Variants in TBC1D4 observed in about 807,000 individuals in gnomAD.
The protein encoded by TBC1D4 is TBC1 domain family member 4.
A neutral mutation model predicts 142.5 loss-of-function variants in TBC1D4; 121 were observed. The ratio of observed to expected loss-of-function variants is 0.85; its 90% confidence interval spans 0.73 to 0.99. TBC1D4 has a LOEUF of 0.99. Among genes scored for constraint, TBC1D4 ranks in the 50% least tolerant of loss-of-function variants. The pLI is 0.00. For missense variants in TBC1D4, 1,475 were observed against 1,606.6 expected, an observed-to-expected ratio of 0.92 and a Z score of 1.40; for synonymous variants, 630 against 628.2, an observed-to-expected ratio of 1.00 and a Z score of -0.04.
chr13:75,324,111 G>C, intron 11 of TBC1D4, 126 bp downstream of exon 11: 1 of 1,119,500 alleles, frequency 8.9e-7, no homozygotes, highest in Non-Finnish European at 1.3e-6. Context: ...ATTAGAAACA[G>C]ATTAGAACAA....
At chr13:75,361,933 T>C in intron 2 of TBC1D4, 93 bp downstream of exon 2, 2 of 1,397,838 alleles carry the variant, frequency 1.4e-6, no homozygotes, top group Non-Finnish European at 2.0e-6. Flanking sequence ...GATTATTCGT[T>C]ATATAGAGGT....
intron 12 of TBC1D4, among the ~76,000 whole-genome samples, chr13:75,316,995 G>A (rs201859176): frequency 3.3e-5 from 5 of 152,096 alleles, no homozygotes; most frequent in African/African-American, 1.2e-4. Flanking sequence ...AACATTTTAC[G>A]AGTATGAATT....
chr13:75,379,193 T>C (rs1167913849), intron 1 of TBC1D4, among the ~76,000 whole-genome samples: 4 of 152,074 alleles, frequency 2.6e-5, no homozygotes, highest in Admixed American at 2.6e-4. Context: ...GCGAAATGAC[T>C]AGCTCAAAAT....
chr13:75,334,708 T>G (rs1472462650), intron 8 of TBC1D4, among the ~76,000 whole-genome samples: 2 of 151,964 alleles, frequency 1.3e-5, no homozygotes, highest in Non-Finnish European at 2.9e-5. Flanking sequence ...CTCAGCCTCC[T>G]GAGTAGCTGG....
At chr13:75,301,518 G>A (rs1224444149) in intron 16 of TBC1D4, among the ~76,000 whole-genome samples, 1 of 151,940 alleles carries the variant, frequency 6.6e-6, no homozygotes, top group Non-Finnish European at 1.5e-5. Context: ...GGTGGCTGGT[G>A]CCTGTAGTCC....
intron 1 of TBC1D4, among the ~76,000 whole-genome samples, chr13:75,434,621 C>T (rs1454998821): frequency 6.6e-6 from 1 of 151,922 alleles, no homozygotes; most frequent in Non-Finnish European, 1.5e-5. Flanking sequence ...AACAAACCTT[C>T]ACATGTACCC....
At chr13:75,364,720 C>T (rs569283078) in intron 1 of TBC1D4, among the ~76,000 whole-genome samples, 16 of 152,344 alleles carry the variant, frequency 1.1e-4, no homozygotes, top group African/African-American at 3.8e-4. Context: ...TTTCTCTCTA[C>T]TTTTCATCTG....
At chr13:75,325,359 C>A (rs1232572823) in intron 10 of TBC1D4, among the ~76,000 whole-genome samples, 1 of 150,612 alleles carries the variant, frequency 6.6e-6, no homozygotes, top group Non-Finnish European at 1.5e-5. Flanking sequence ...GAAATGCAGG[C>A]AAATTTTGTA....
chr13:75,302,192 G>T, intron 16 of TBC1D4, 51 bp downstream of exon 16: 2 of 1,610,630 alleles, frequency 1.2e-6, no homozygotes, highest in South Asian at 1.1e-5. Context: ...AAACTTAACA[G>T]AGGGATCAGC....
At position 75,284,057 on chromosome 13, in the gene TBC1D4, T is replaced by C. The variant is rs543552782; in HGVS notation, c.*2735A>G. 1.2e-4 allele frequency among the ~76,000 whole-genome samples: 19 copies of C among 152,210 alleles called. No homozygotes were observed. The South Asian group carries it at 3.9e-3, about 32-fold the overall frequency. ...GCAATATATGCCTCTCCTACTCTCC[T>C]GAGTAGCTGAGATTACAGATGCACA... On this transcript the variant is annotated 3_prime_UTR_variant, in exon 21 of 21. Coordinates refer to ENST00000377636, the MANE Select transcript of TBC1D4 (RefSeq NM_014832.5).
intron 6 of TBC1D4, 46 bp from the exon 7 acceptor site, chr13:75,341,281 C>T (rs2138076238): frequency 6.5e-7 from 1 of 1,533,598 alleles, no homozygotes; most frequent in African/African-American, 1.4e-5. Flanking sequence ...ACACCACTTC[C>T]CTCCTTTTAT....
chr13:75,303,530 A>G (rs1370806814), intron 15 of TBC1D4, among the ~76,000 whole-genome samples: 1 of 152,220 alleles, frequency 6.6e-6, no homozygotes, highest in East Asian at 1.9e-4. Context: ...TGGGAGGGAC[A>G]GAATTCAATT....
intron 1 of TBC1D4, among the ~76,000 whole-genome samples, chr13:75,386,533 C>T (rs1370270736): frequency 1.3e-5 from 2 of 151,810 alleles, no homozygotes; most frequent in East Asian, 1.9e-4. Flanking sequence ...GGACTACAGG[C>T]ATCCGCCACC....
intron 1 of TBC1D4, among the ~76,000 whole-genome samples, chr13:75,439,166 T>C (rs1811042517): frequency 6.6e-6 from 1 of 152,196 alleles, no homozygotes; most frequent in Non-Finnish European, 1.5e-5. Flanking sequence ...AGTTTATTGA[T>C]GGCAACTTTA....
intron 8 of TBC1D4, among the ~76,000 whole-genome samples, chr13:75,334,214 G>T (rs1880006112): frequency 1.3e-5 from 2 of 151,902 alleles, no homozygotes; most frequent in Admixed American, 1.3e-4. Flanking sequence ...TATCATTTAT[G>T]TCAACGCTCA....
chr13:75,302,987 A>G (rs1876735255), intron 15 of TBC1D4, among the ~76,000 whole-genome samples: 2 of 152,238 alleles, frequency 1.3e-5, no homozygotes, highest in South Asian at 2.1e-4. Context: ...TAACTTTATA[A>G]TAGAGAATCA....
chr13:75,324,105 G>A (rs1482552905), intron 11 of TBC1D4, 132 bp downstream of exon 11: 1 of 1,068,874 alleles, frequency 9.4e-7, no homozygotes, highest in Non-Finnish European at 1.4e-6. Flanking sequence ...CAATATATTA[G>A]AAACAGATTA....
intron 1 of TBC1D4, among the ~76,000 whole-genome samples, chr13:75,392,031 T>C (rs957866185): frequency 1.3e-5 from 2 of 152,158 alleles, no homozygotes; most frequent in African/African-American, 2.4e-5. Flanking sequence ...CCCCAACCCC[T>C]TTCCTGTAAA....
At chr13:75,444,984 C>T (rs1887215466) in intron 1 of TBC1D4, among the ~76,000 whole-genome samples, 1 of 151,994 alleles carries the variant, frequency 6.6e-6, no homozygotes, top group African/African-American at 2.4e-5. Context: ...ATAAGAATAG[C>T]TATATTAATC....
Sources: allele counts gnomAD v4.1 joint callset (sites outside exome capture counted in the v4.1 genomes callset), GRCh38; gene constraint gnomAD v4.1.1; transcripts MANE v1.5; gene names NCBI Gene and HGNC (gene_info 2026-07-23, HGNC 2026-07-21).